The following ZC3H3 variants were observed in gnomAD, a reference collection of about 807,000 sequenced individuals.
The protein encoded by ZC3H3 is zinc finger CCCH domain-containing protein 3.
In ZC3H3, 36 loss-of-function variants were observed where a neutral mutation model predicts 77.3. That is an observed-to-expected ratio of 0.47 (90% CI 0.36 to 0.61). ZC3H3 has a LOEUF of 0.61. ZC3H3 is among the 20% of genes least tolerant of loss of function. The pLI, the probability that ZC3H3 is intolerant of heterozygous loss-of-function variation, is 0.00. For synonymous variants in ZC3H3, 626 were observed against 555.2 expected (o/e 1.13, Z -1.79); for missense variants, 1,331 against 1,312.2 (o/e 1.01, Z -0.22).
At chr8:143,523,539 C>T (rs186939640) in intron 3 of ZC3H3, 3 of 985,434 alleles carry the variant, frequency 3.0e-6, no homozygotes, top group East Asian at 1.1e-4. Context: ...CACCATCCCT[C>T]AGGCACCAGC....
rs184296558 is a variant in ZC3H3, at chr8:143,476,554, G to A, written c.1716-969C>T. ...CACCCACAGCCCTGCGGACCCTCGG[G>A]CAAGCAGCCCCCAAGGTGGGGGGCT... is the stretch of plus-strand genomic sequence containing the variant. On this transcript the variant is annotated intron_variant, in intron 4 of 11. Transcript: ENST00000262577. Among the ~76,000 whole-genome samples the A allele has an allele frequency of 8.9e-4, 136 of 152,284 alleles. 2 individuals are homozygous for A. The East Asian group carries it at 0.023, about 26-fold the overall frequency.
At chr8:143,510,579 G>T (rs1433669262) in intron 3 of ZC3H3, among the ~76,000 whole-genome samples, 1 of 152,232 alleles carries the variant, frequency 6.6e-6, no homozygotes, top group African/African-American at 2.4e-5. Flanking sequence ...CAGGAAGGAA[G>T]GGTCCCTCCC....
intron 3 of ZC3H3, among the ~76,000 whole-genome samples, chr8:143,516,579 A>ACACTCT (rs1554645654): frequency 1.4e-5 from 2 of 145,566 alleles, no homozygotes; most frequent in African/African-American, 5.2e-5. Flanking sequence ...ACACACACAC[A>ACACTCT]CTCACTCTCA....
rs990101905 is a variant in ZC3H3, at chr8:143,451,902, G to A, written c.2308-10782C>T. The stretch of plus-strand genomic sequence containing the variant: ...CCTGTACTTCCCGCTAAGTGCCACC[G>A]TAACAAACCCAAGCCACCTCTGGCT... On this transcript the variant is annotated intron_variant, in intron 9 of 11. Transcript: ENST00000262577. Among the ~76,000 whole-genome samples the A allele has an allele frequency of 7.2e-5, 11 of 152,284 alleles. No homozygotes were observed. In the East Asian group the frequency reaches 1.3e-3, roughly 19 times the overall value.
At position 143,464,187 on chromosome 8, in the gene ZC3H3, C is replaced by T. The variant is rs573799339; in HGVS notation, c.2307+1530G>A. Among the ~76,000 whole-genome samples the T allele has an allele frequency of 2.0e-4, 31 of 152,372 alleles. 1 individual carries two copies. The highest frequency in any genetic ancestry group is 1.4e-3 in the East Asian group (7 of 5,178). ...TAATTACAAGCTGCTATCCATCATGCGGGCGCCGCGGCGCGGACACACGGA... is the reference window on the plus strand; with the variant it reads ...TAATTACAAGCTGCTATCCATCATGTGGGCGCCGCGGCGCGGACACACGGA... On this transcript the variant is annotated intron_variant, in intron 9 of 11. Transcript: ENST00000262577.
At chr8:143,509,771 G>A (rs928733542) in intron 3 of ZC3H3, among the ~76,000 whole-genome samples, 3 of 152,172 alleles carry the variant, frequency 2.0e-5, no homozygotes, top group African/African-American at 7.2e-5. Context: ...CTCGGGCCCC[G>A]GGGGTTCATG....
intron 4 of ZC3H3, among the ~76,000 whole-genome samples, chr8:143,488,532 A>G (rs920528416): frequency 6.7e-6 from 1 of 148,280 alleles, no homozygotes; most frequent in African/African-American, 2.6e-5. Context: ...CAGACACAGA[A>G]CAGCACCCGC....
rs1168808719 is a variant in ZC3H3 at position 143,538,948 on chromosome 8, C to G, written c.419G>C (p.Gly140Ala). Residue 140 changes from glycine (G) to alanine (A), a missense_variant, in exon 2 of 12, where the codon GGG (glycine) becomes GCG (alanine). Physicochemically the swap from Gly to Ala is moderately conservative, Grantham distance 60. Coordinates refer to ENST00000262577, the MANE Select transcript of ZC3H3 (RefSeq NM_015117.3). The stretch of plus-strand genomic sequence containing the variant: ...TTCTTCCAAAGAGCCCCGCTGGGCC[C>G]CTGAGGCACTGGCAGAGCCAGACTT... ...PSKSGSASAS[G>A]AQRGSLEEFE... 6.2e-7 allele frequency: 1 copy of G among 1,613,048 alleles called. No homozygotes were observed. Among genetic ancestry groups the G allele is most frequent in the Non-Finnish European group, 8.5e-7 (1 of 1,180,034 alleles).
intron 3 of ZC3H3, among the ~76,000 whole-genome samples, chr8:143,523,927 C>T (rs1429712547): frequency 2.0e-5 from 3 of 152,234 alleles, no homozygotes; most frequent in African/African-American, 7.2e-5. Flanking sequence ...ACAGGCCCCA[C>T]AGGGCCATGT....
At chr8:143,455,938 T>G (rs1240656260) in intron 9 of ZC3H3, among the ~76,000 whole-genome samples, 3 of 123,208 alleles carry the variant, frequency 2.4e-5, no homozygotes, top group Non-Finnish European at 4.7e-5. Flanking sequence ...AAGATCACAC[T>G]ACTGCACTCC....
intron 3 of ZC3H3, among the ~76,000 whole-genome samples, chr8:143,523,879 G>T (rs1275045220): frequency 1.3e-5 from 2 of 152,262 alleles, no homozygotes; most frequent in Non-Finnish European, 2.9e-5. Context: ...AGAGCAAGCT[G>T]GCATGGGCTG....
chr8:143,521,139 A>T (rs542347190), intron 3 of ZC3H3, among the ~76,000 whole-genome samples: 80 of 152,030 alleles, frequency 5.3e-4, no homozygotes, highest in Non-Finnish European at 1.0e-3. Context: ...CAACAAGAAA[A>T]CCACGGCCAC....
At chr8:143,524,541 C>T (rs1822350352) in intron 3 of ZC3H3, among the ~76,000 whole-genome samples, 1 of 152,252 alleles carries the variant, frequency 6.6e-6, no homozygotes, top group Non-Finnish European at 1.5e-5. Flanking sequence ...GCCAGGCCCC[C>T]AGCCCATCAC....
chr8:143,438,004 T>C lies in ZC3H3; in HGVS notation c.*52A>G, dbSNP rs1484191531. The C allele has an allele frequency of 1.3e-6, 2 of 1,589,544 alleles. No homozygotes were observed. The highest frequency in any genetic ancestry group is 1.7e-6 in the Non-Finnish European group (2 of 1,168,014). ...GGTAGAGTGGTGGACAGAGCCTCTT[T>C]CCTCTCCAAGGATGAGGGTCTGAGG... is the stretch of plus-strand genomic sequence containing the variant. On this transcript the variant is annotated 3_prime_UTR_variant, in exon 12 of 12. Coordinates refer to ENST00000262577, the MANE Select transcript of ZC3H3 (RefSeq NM_015117.3).
Position 143,442,814 on chromosome 8 carries a change from G to C in ZC3H3, c.2308-1694C>G, listed in dbSNP as rs1363141866. Among the ~76,000 whole-genome samples, 4 of 152,306 alleles carry C rather than the reference G, an allele frequency of 2.6e-5. 1 individual carries two copies. In the South Asian group the frequency reaches 8.3e-4, roughly 32 times the overall value. On this transcript the variant is annotated intron_variant, in intron 9 of 11. Coordinates refer to ENST00000262577, the MANE Select transcript of ZC3H3 (RefSeq NM_015117.3). ...CATGTTGAAATTTTTGATAGGATGG[G>C]TTAAATAAAACATGATTCCATCTGC...
At chr8:143,474,539 C>T (rs759603577) in intron 5 of ZC3H3, among the ~76,000 whole-genome samples, 4 of 152,222 alleles carry the variant, frequency 2.6e-5, no homozygotes, top group African/African-American at 7.2e-5. Context: ...CCAGGCAGGG[C>T]GGCCAGTGAG....
chr8:143,501,936 C>T lies in ZC3H3; in HGVS notation c.1715+5810G>A, dbSNP rs139762643. On this transcript the variant is annotated intron_variant, in intron 4 of 11. Coordinates refer to ENST00000262577, the MANE Select transcript of ZC3H3 (RefSeq NM_015117.3). ...CCCGATGCTGAAGCCCTGACCCCAGCGGGATGGCGTGAGGACGCAGGGCCT... is the reference window on the plus strand; with the variant it reads ...CCCGATGCTGAAGCCCTGACCCCAGTGGGATGGCGTGAGGACGCAGGGCCT... Among the ~76,000 whole-genome samples, 338 of 152,346 alleles carry T rather than the reference C, an allele frequency of 2.2e-3. 1 individual carries two copies. The highest frequency in any genetic ancestry group is 7.5e-3 in the African/African-American group (310 of 41,586).
intron 1 of ZC3H3, among the ~76,000 whole-genome samples, chr8:143,539,950 C>G (rs1171446240): frequency 2.6e-5 from 4 of 152,216 alleles, no homozygotes; most frequent in African/African-American, 9.7e-5. Context: ...GGATAGCTAC[C>G]CCGGTGCAGG....
intron 3 of ZC3H3, among the ~76,000 whole-genome samples, chr8:143,521,749 C>T (rs939686756): frequency 1.3e-5 from 2 of 152,208 alleles, no homozygotes; most frequent in African/African-American, 2.4e-5. Flanking sequence ...CTCTCAGAGT[C>T]TGGGGCCCCC....
Sources: gnomAD v4.1 joint callset for allele counts (sites outside exome capture counted in the v4.1 genomes callset) on GRCh38, gnomAD v4.1.1 for gene constraint, MANE v1.5 for transcripts, NCBI Gene and HGNC (gene_info 2026-07-23, HGNC 2026-07-21) for gene names.